Variants in CCDC171 observed in about 807,000 individuals in gnomAD.
CCDC171 encodes coiled-coil domain-containing protein 171.
Under a neutral mutation model 168.2 loss-of-function variants are expected in CCDC171, and 177 were observed. The observed-to-expected ratio is 1.05, with a 90% confidence interval of 0.93 to 1.19. The LOEUF is 1.19. Among genes scored for constraint, CCDC171 ranks in the 50% most tolerant of loss-of-function variants. CCDC171 has a pLI of 0.00. For missense variants in CCDC171, 1,991 were observed against 1,539.0 expected (o/e 1.29, Z -4.91); for synonymous variants, 687 against 540.8 (o/e 1.27, Z -3.75).
chr9:15,908,074 A>C (rs1032988356), intron 24 of CCDC171, among the ~76,000 whole-genome samples: 100 of 151,744 alleles, frequency 6.6e-4, no homozygotes, highest in African/African-American at 2.2e-3. Context: ...AAACTAGTTC[A>C]ACCATTGTGG....
Position 15,602,647 on chromosome 9 carries a change from C to CTTTTTTTTTTTTTT in CCDC171, c.675+8488_675+8501dup, listed in dbSNP as rs1161286304. ...TTTCTCATTTCTTTTTTTTTTTTTT[C>CTTTTTTTTTTTTTT]TTTTTTTTTTTTTTTTTTTTTTTTT... is the stretch of plus-strand genomic sequence containing the variant. On this transcript the variant is annotated intron_variant, in intron 6 of 25. Transcript: ENST00000380701. Among the ~76,000 whole-genome samples the CTTTTTTTTTTTTTT allele has an allele frequency of 9.5e-4, 29 of 30,490 alleles. 1 individual carries two copies. The highest frequency in any genetic ancestry group is 1.5e-3 in the African/African-American group (12 of 8,102). The allele number at this position is 30,490 out of a possible 152,430, so 20.0% of individuals were successfully genotyped here.
intron 21 of CCDC171, among the ~76,000 whole-genome samples, chr9:15,822,352 G>A (rs1450639439): frequency 2.0e-5 from 3 of 151,346 alleles, no homozygotes; most frequent in South Asian, 2.1e-4. Flanking sequence ...TTAAACTAAA[G>A]AGCTTCTGCA....
chr9:16,053,482 TC>T (rs1308914745), intron 1 of CCDC171, among the ~76,000 whole-genome samples: 1 of 152,244 alleles, frequency 6.6e-6, no homozygotes, highest in African/African-American at 2.4e-5. Flanking sequence ...ACTGGACCCA[TC>T]CGCGCCTCAG....
intron 14 of CCDC171, 146 bp from the exon 15 acceptor site, chr9:15,727,723 A>C (rs1175449401): frequency 5.4e-6 from 3 of 560,650 alleles, no homozygotes; most frequent in Non-Finnish European, 8.5e-6. Context: ...TTTGATTATA[A>C]AAAAAGTCAT....
chr9:15,990,876 G>T (rs571584216), intron 3 of CCDC171, among the ~76,000 whole-genome samples: 4 of 151,916 alleles, frequency 2.6e-5, no homozygotes, highest in Non-Finnish European at 4.4e-5. Context: ...GAAGAGCTAG[G>T]TATCCTAAAT....
intron 12 of CCDC171, among the ~76,000 whole-genome samples, chr9:15,722,426 A>G (rs903910612): frequency 3.9e-5 from 6 of 152,186 alleles, no homozygotes; most frequent in African/African-American, 1.4e-4. Flanking sequence ...TCATGCTTCT[A>G]TTTATCATCC....
intron 25 of CCDC171, among the ~76,000 whole-genome samples, chr9:15,936,823 C>T (rs375256230): frequency 4.6e-5 from 7 of 152,064 alleles, no homozygotes; most frequent in African/African-American, 1.4e-4. Context: ...GCATGTCAGC[C>T]GTTATTAGCT....
At position 15,822,728 on chromosome 9, in the gene CCDC171, C is replaced by G. The variant is rs1218170616; in HGVS notation, c.3268-23974C>G. Among the ~76,000 whole-genome samples, 3 of 152,228 alleles carry G rather than the reference C, an allele frequency of 2.0e-5. No homozygotes were observed. The East Asian group carries it at 5.8e-4, about 29-fold the overall frequency. On this transcript the variant is annotated intron_variant, in intron 21 of 25. Coordinates refer to ENST00000380701, the MANE Select transcript of CCDC171 (RefSeq NM_173550.4). ...GTGGAGAAATAGGAACACTTTTACA[C>G]TGTTGGTGGGACTGTAAACTAGTTC...
chr9:15,725,050 T>G, intron 14 of CCDC171, 74 bp downstream of exon 14: 1 of 1,064,658 alleles, frequency 9.4e-7, no homozygotes, highest in Non-Finnish European at 1.4e-6. Flanking sequence ...AGTGACTATT[T>G]TTACTTGTAT....
intron 3 of CCDC171, among the ~76,000 whole-genome samples, chr9:15,998,170 C>G (rs1408466544): frequency 6.6e-6 from 1 of 152,198 alleles, no homozygotes; most frequent in African/African-American, 2.4e-5. Context: ...CTGCTTCATC[C>G]TCGGTTCCCA....
intron 24 of CCDC171, among the ~76,000 whole-genome samples, chr9:15,911,715 A>T (rs1823664043): frequency 1.3e-5 from 2 of 152,150 alleles, no homozygotes; most frequent in African/African-American, 4.8e-5. Flanking sequence ...CCTTGAGTTA[A>T]TTTTTGTATA....
intron 6 of CCDC171, among the ~76,000 whole-genome samples, chr9:15,603,674 C>G (rs777625097): frequency 2.0e-5 from 3 of 151,680 alleles, no homozygotes; most frequent in Non-Finnish European, 2.9e-5. Context: ...TGGGTTGATT[C>G]CATCTCTTTG....
chr9:15,636,911 A>C (rs2046242692), intron 7 of CCDC171, among the ~76,000 whole-genome samples: 1 of 152,062 alleles, frequency 6.6e-6, no homozygotes, highest in African/African-American at 2.4e-5. Flanking sequence ...CTATGTAATA[A>C]CGAATTTTTT....
rs148959608 is a variant in CCDC171 at position 15,954,184 on chromosome 9, T to C, written c.3754-17425T>C. Among the ~76,000 whole-genome samples, 712 of 151,722 alleles carry C rather than the reference T, an allele frequency of 4.7e-3. 9 individuals are homozygous for C. The highest frequency in any genetic ancestry group is 0.016 in the African/African-American group (648 of 41,492). On this transcript the variant is annotated intron_variant, in intron 25 of 25. Transcript: ENST00000380701. ...TTTTTTAGTCTTTATTTTGTTTATC[T>C]CTTCTCTAATCTTTTTTCCCCCTTC...
Position 15,591,394 on chromosome 9 carries a change from A to T in CCDC171, c.381A>T (p.Thr127=). ...CAQNSELQAK[T]NETEKAFQTS... ...AGAATTCAGAACTTCAAGCAAAGAC[A>T]AATGAGACTGAGAAAGCATTTCAGA... The change falls in exon 5 of 26, where the codon ACA becomes ACT. Residue 127 remains threonine (T), a synonymous_variant. Transcript: ENST00000380701. The T allele has an allele frequency of 6.2e-7, 1 of 1,605,632 alleles. No individual in the cohort carries two copies. Among genetic ancestry groups the T allele is most frequent in the Non-Finnish European group, 8.5e-7 (1 of 1,176,736 alleles).
chr9:15,610,710 A>G (rs2043620700), intron 6 of CCDC171, among the ~76,000 whole-genome samples: 1 of 151,720 alleles, frequency 6.6e-6, no homozygotes, highest in Non-Finnish European at 1.5e-5. Context: ...GGTGTGCACG[A>G]CCATACCTGG....
At chr9:15,648,197 G>C in intron 7 of CCDC171, among the ~76,000 whole-genome samples, 1 of 152,162 alleles carries the variant, frequency 6.6e-6, no homozygotes, top group South Asian at 2.1e-4. Flanking sequence ...AAATTCAACA[G>C]CCCTTCATGC....
intron 9 of CCDC171, among the ~76,000 whole-genome samples, chr9:15,667,107 C>T (rs2048788158): frequency 6.6e-6 from 1 of 151,998 alleles, no homozygotes; most frequent in South Asian, 2.1e-4. Context: ...GTTTAAAAGC[C>T]TTTCATCTTC....
chr9:15,939,091 CTT>C (rs932506413), intron 25 of CCDC171, among the ~76,000 whole-genome samples: 1 of 143,392 alleles, frequency 7.0e-6, no homozygotes, highest in African/African-American at 2.5e-5. Flanking sequence ...ATAATATAAC[CTT>C]TTTTTTTTTG....
Sources: gnomAD v4.1 joint callset for allele counts (sites outside exome capture counted in the v4.1 genomes callset) on GRCh38, gnomAD v4.1.1 for gene constraint, MANE v1.5 for transcripts, NCBI Gene and HGNC (gene_info 2026-07-23, HGNC 2026-07-21) for gene names.